LRRIQ3: variants seen among roughly 807,000 people sequenced by gnomAD.
The protein encoded by LRRIQ3 is leucine rich repeats and IQ motif containing 3.
Under a neutral mutation model 59.3 loss-of-function variants are expected in LRRIQ3, and 75 were observed. The ratio of observed to expected loss-of-function variants is 1.26; its 90% confidence interval spans 1.05 to 1.53. The LOEUF (loss-of-function observed/expected upper bound fraction) is 1.53, where lower values mean the gene tolerates loss of function less well. Ranked by LOEUF, LRRIQ3 falls within the 40% of genes most tolerant of loss-of-function variation. LRRIQ3 has a pLI of 0.00. For missense variants in LRRIQ3, 831 were observed against 710.0 expected, an observed-to-expected ratio of 1.17 and a Z score of -1.94; for synonymous variants, 250 against 231.3, an observed-to-expected ratio of 1.08 and a Z score of -0.73.
chr1:74,030,568 C>A (rs1403984963), intron 7 of LRRIQ3, among the ~76,000 whole-genome samples: 1 of 152,146 alleles, frequency 6.6e-6, no homozygotes, highest in African/African-American at 2.4e-5. Flanking sequence ...ATGTAGAAAG[C>A]TGAAACTGGA....
intron 5 of LRRIQ3, among the ~76,000 whole-genome samples, chr1:74,094,294 G>A (rs1332744559): frequency 6.6e-6 from 1 of 152,042 alleles, no homozygotes; most frequent in Admixed American, 6.6e-5. Context: ...TAGGCAAAAA[G>A]ATATTTGCAG....
rs796977132 is a variant in LRRIQ3 at position 74,075,379 on chromosome 1, C to T, written c.868-589G>A. On this transcript the variant is annotated intron_variant, in intron 5 of 7. Coordinates refer to ENST00000354431, the MANE Select transcript of LRRIQ3 (RefSeq NM_001105659.2). ...GTTAGGAGTTCGAGCCCAGCCTGGC[C>T]AACATGGCGAAACCCTGTCTCTACT... 2.0e-5 allele frequency among the ~76,000 whole-genome samples: 3 copies of T among 152,002 alleles called. No homozygotes were observed. In the South Asian group the frequency reaches 6.2e-4, roughly 31 times the overall value.
intron 6 of LRRIQ3, among the ~76,000 whole-genome samples, chr1:74,063,332 T>G (rs1054950430): frequency 6.6e-6 from 1 of 152,130 alleles, no homozygotes; most frequent in Non-Finnish European, 1.5e-5. Flanking sequence ...TGGTTTAAAC[T>G]GGAAAATATT....
chr1:74,197,561 A>G (rs906351707), intron 1 of LRRIQ3, among the ~76,000 whole-genome samples: 2 of 152,172 alleles, frequency 1.3e-5, no homozygotes, highest in African/African-American at 4.8e-5. Flanking sequence ...TGCATATACA[A>G]AAGAATGCCA....
At chr1:74,068,582 C>T (rs1654933155) in intron 6 of LRRIQ3, among the ~76,000 whole-genome samples, 1 of 152,002 alleles carries the variant, frequency 6.6e-6, no homozygotes, top group South Asian at 2.1e-4. Context: ...CCTTCTTCCT[C>T]TCTGTTCTCA....
At position 74,182,521 on chromosome 1, in the gene LRRIQ3, C is replaced by T; in HGVS notation, c.573+17G>A. On this transcript the variant is annotated intron_variant, in intron 3 of 7. Coordinates refer to ENST00000354431, the MANE Select transcript of LRRIQ3 (RefSeq NM_001105659.2). ...TTATACATTTAATTAAAATGAAACC[C>T]TAAAGAAGCCAATTACCTTTCTCAA... 1 of 1,463,974 alleles carries T rather than the reference C, an allele frequency of 6.8e-7. No homozygotes were observed. The highest frequency in any genetic ancestry group is 1.6e-5 in the South Asian group (1 of 62,948). The allele number at this position is 1,463,974 out of a possible 1,614,324, so 90.7% of individuals were successfully genotyped here.
chr1:74,046,874 GA>G (rs1164295770), intron 6 of LRRIQ3, among the ~76,000 whole-genome samples: 2 of 152,136 alleles, frequency 1.3e-5, no homozygotes, highest in Non-Finnish European at 2.9e-5. Context: ...GGTCATTATA[GA>G]AATGCAACAC....
chr1:74,096,965 G>A (rs537185650), intron 5 of LRRIQ3, among the ~76,000 whole-genome samples: 2 of 152,258 alleles, frequency 1.3e-5, no homozygotes, highest in South Asian at 2.1e-4. Flanking sequence ...CCTACTGGGG[G>A]ATGCCTCCCA....
rs1021278115 is a variant in LRRIQ3, at chr1:74,071,742, G to A, written c.997+2919C>T. Among the ~76,000 whole-genome samples, 3 of 152,098 alleles carry A rather than the reference G, an allele frequency of 2.0e-5. 1 individual carries two copies. Among genetic ancestry groups the A allele is most frequent in the Admixed American group, 1.3e-4 (2 of 15,250 alleles). On this transcript the variant is annotated intron_variant, in intron 6 of 7. Coordinates refer to ENST00000354431, the MANE Select transcript of LRRIQ3 (RefSeq NM_001105659.2). Reference sequence around the variant, plus strand: ...TTGTATAATAATAAAATATCATTTAGACTGGAGCATGTTCAAGACTGAAAG... The same window carrying A: ...TTGTATAATAATAAAATATCATTTAAACTGGAGCATGTTCAAGACTGAAAG...
intron 1 of LRRIQ3, among the ~76,000 whole-genome samples, 155 bp downstream of exon 1, chr1:74,197,841 T>A (rs1042320294): frequency 2.6e-5 from 4 of 152,208 alleles, no homozygotes; most frequent in Non-Finnish European, 4.4e-5. Context: ...GGAGATCTTC[T>A]ATCAGGCTAT....
chr1:74,048,477 C>T (rs1260246376), intron 6 of LRRIQ3, among the ~76,000 whole-genome samples: 1 of 152,144 alleles, frequency 6.6e-6, no homozygotes, highest in Non-Finnish European at 1.5e-5. Context: ...CCAGCAGCTA[C>T]TTAAAATTAC....
At chr1:74,096,987 C>T (rs189907139) in intron 5 of LRRIQ3, among the ~76,000 whole-genome samples, 17 of 152,214 alleles carry the variant, frequency 1.1e-4, no homozygotes, top group Non-Finnish European at 1.8e-4. Context: ...TTAGGCTACT[C>T]GGGGGTCAGG....
chr1:74,168,177 A>G (rs138809241), intron 3 of LRRIQ3, among the ~76,000 whole-genome samples: 3 of 152,166 alleles, frequency 2.0e-5, no homozygotes, highest in Non-Finnish European at 2.9e-5. Context: ...TCTAGTTGAT[A>G]GAGAGAAGTA....
intron 6 of LRRIQ3, 136 bp from the exon 7 acceptor site, chr1:74,042,069 C>T: frequency 1.2e-6 from 1 of 828,788 alleles, no homozygotes; most frequent in Middle Eastern, 4.0e-4. Context: ...AGTACCTTTT[C>T]AACTTGTGAT....
intron 2 of LRRIQ3, 45 bp downstream of exon 2, chr1:74,183,391 T>A (rs1285178303): frequency 4.7e-6 from 7 of 1,485,562 alleles, no homozygotes; most frequent in Non-Finnish European, 6.3e-6. Context: ...ATTATAAGAC[T>A]GAAATTTCGT....
intron 6 of LRRIQ3, among the ~76,000 whole-genome samples, chr1:74,055,180 T>A (rs370456952): frequency 1.4e-5 from 2 of 139,970 alleles, no homozygotes; most frequent in Non-Finnish European, 1.5e-5. Flanking sequence ...CATATACACT[T>A]TATATATATA....
intron 3 of LRRIQ3, among the ~76,000 whole-genome samples, chr1:74,164,214 T>C (rs1395541162): frequency 6.6e-6 from 1 of 151,450 alleles, no homozygotes; most frequent in Non-Finnish European, 1.5e-5. Flanking sequence ...GGCTGAATCG[T>C]TTCCCCTCAA....
chr1:74,082,132 A>G (rs1646279456), intron 5 of LRRIQ3: 1 of 151,652 alleles, frequency 6.6e-6, no homozygotes, highest in South Asian at 2.1e-4. Context: ...AGTTATTATT[A>G]GTAAATATTT....
At chr1:74,187,896 T>C (rs971305938) in intron 1 of LRRIQ3, among the ~76,000 whole-genome samples, 5 of 152,074 alleles carry the variant, frequency 3.3e-5, no homozygotes, top group Admixed American at 3.3e-4. Flanking sequence ...GAAACAACAT[T>C]TGACCCAGCA....
Sources: gnomAD v4.1 joint callset for allele counts (sites outside exome capture counted in the v4.1 genomes callset) on GRCh38, gnomAD v4.1.1 for gene constraint, MANE v1.5 for transcripts, NCBI Gene and HGNC (gene_info 2026-07-23, HGNC 2026-07-21) for gene names.